LTBP1: variants seen among roughly 807,000 people sequenced by gnomAD.
LTBP1 encodes the protein latent transforming growth factor beta binding protein 1.
A neutral mutation model predicts 207.6 loss-of-function variants in LTBP1; 129 were observed. That is an observed-to-expected ratio of 0.62 (90% CI 0.54 to 0.72). LTBP1 has a LOEUF of 0.72. Among genes scored for constraint, LTBP1 ranks in the 30% least tolerant of loss-of-function variants. The pLI, the probability that LTBP1 is intolerant of heterozygous loss-of-function variation, is 0.00. For synonymous variants in LTBP1, 963 were observed against 833.7 expected, an observed-to-expected ratio of 1.16 and a Z score of -2.67; for missense variants, 2,281 against 2,217.2, an observed-to-expected ratio of 1.03 and a Z score of -0.58.
chr2:33,278,071 A>T (rs1171703282), intron 18 of LTBP1, among the ~76,000 whole-genome samples: 2 of 151,576 alleles, frequency 1.3e-5, no homozygotes, highest in East Asian at 1.9e-4. Flanking sequence ...TGACCTCGTG[A>T]TCTGCCAGCC....
At position 33,274,975 on chromosome 2, in the gene LTBP1, G is replaced by A. The variant is rs1350246041; in HGVS notation, c.2754G>A (p.Glu918=). The change falls in exon 17 of 34, where the codon GAG becomes GAA. Residue 918 remains glutamate (E), a synonymous_variant. Coordinates refer to ENST00000404816, the MANE Select transcript of LTBP1 (RefSeq NM_206943.4). ...TATTTTTGTTAACAGATATTGATGA[G>A]TGTACTCAGGTCCAACACCTCTGCT... ...EQQRKCVDID[E]CTQVQHLCSQ... is the part of the protein sequence containing the mutation. 1.9e-6 allele frequency: 3 copies of A among 1,613,960 alleles called. No individual in the cohort carries two copies. Among genetic ancestry groups the A allele is most frequent in the Non-Finnish European group, 2.5e-6 (3 of 1,179,894 alleles).
chr2:33,161,714 A>G (rs1175257530), intron 5 of LTBP1, among the ~76,000 whole-genome samples: 5 of 152,216 alleles, frequency 3.3e-5, no homozygotes, highest in Non-Finnish European at 5.9e-5. Flanking sequence ...CAAAAGATTA[A>G]TATATTTTAA....
intron 2 of LTBP1, among the ~76,000 whole-genome samples, chr2:33,019,312 A>G (rs912414331): frequency 6.7e-6 from 1 of 149,576 alleles, no homozygotes; most frequent in Non-Finnish European, 1.5e-5. Flanking sequence ...AACTTAAGTC[A>G]GTAGCATGTA....
rs375674780 is a variant in LTBP1, at chr2:32,971,815, G to A, written c.565+22870G>A. Among the ~76,000 whole-genome samples the A allele has an allele frequency of 3.4e-4, 51 of 152,176 alleles. 1 individual carries two copies. In the South Asian group the frequency reaches 7.7e-3, roughly 23 times the overall value. On this transcript the variant is annotated intron_variant, in intron 2 of 33. Transcript: ENST00000404816. ...TTGGGATCAGAATGATGCTGGCCTC[G>A]TAGAATGAGTTAGGGAGGAGTTCCT...
chr2:33,181,510 C>G (rs542642812), intron 5 of LTBP1, among the ~76,000 whole-genome samples: 6 of 152,248 alleles, frequency 3.9e-5, no homozygotes, highest in Non-Finnish European at 7.4e-5. Flanking sequence ...ACAGTTGTAC[C>G]GTGAGATACT....
chr2:33,029,306 G>A (rs543298810), intron 3 of LTBP1, among the ~76,000 whole-genome samples: 4 of 152,112 alleles, frequency 2.6e-5, no homozygotes, highest in South Asian at 2.1e-4. Context: ...GTGAAACCCC[G>A]TCTCTACTAA....
chr2:33,190,053 C>G (rs1259567480), intron 7 of LTBP1, among the ~76,000 whole-genome samples: 2 of 152,040 alleles, frequency 1.3e-5, no homozygotes, highest in Non-Finnish European at 2.9e-5. Flanking sequence ...AAATTCATAA[C>G]TTGCAAGGTG....
intron 3 of LTBP1, among the ~76,000 whole-genome samples, chr2:33,071,715 C>T (rs994988633): frequency 6.6e-6 from 1 of 152,154 alleles, no homozygotes; most frequent in East Asian, 1.9e-4. Context: ...TAGTTACAGG[C>T]TGTTTTGGGC....
intron 3 of LTBP1, among the ~76,000 whole-genome samples, chr2:33,101,892 C>G (rs218216): frequency 0.65 from 98,317 of 152,002 alleles, 33,493 homozygotes; most frequent in South Asian, 0.79. Flanking sequence ...TTGATGATTT[C>G]GGTGTACTGT....
At chr2:33,035,941 A>G (rs2149359237) in intron 3 of LTBP1, among the ~76,000 whole-genome samples, 1 of 152,304 alleles carries the variant, frequency 6.6e-6, no homozygotes, top group East Asian at 1.9e-4. Context: ...TAATTCCTTT[A>G]TCCTTTTTTC....
At chr2:33,049,428 AAATATCTCTTT>A (rs1405582249) in intron 3 of LTBP1, among the ~76,000 whole-genome samples, 7 of 152,180 alleles carry the variant, frequency 4.6e-5, no homozygotes, top group African/African-American at 9.7e-5. Flanking sequence ...TGTCTTTTTC[AAATATCTCTTT>A]TGAGCTAGGC....
chr2:33,023,889 A>G (rs1255860479), intron 3 of LTBP1, among the ~76,000 whole-genome samples: 1 of 152,244 alleles, frequency 6.6e-6, no homozygotes, highest in East Asian at 1.9e-4. Context: ...GAGAAATGTT[A>G]CAATCCTTAA....
rs544456150 is a variant in LTBP1, at chr2:33,138,046, G to GCTCAC, written c.1201+3090_1201+3094dup. Among the ~76,000 whole-genome samples, 352 of 152,252 alleles carry GCTCAC rather than the reference G, an allele frequency of 2.3e-3. 1 individual carries two copies. The highest frequency in any genetic ancestry group is 4.1e-3 in the Non-Finnish European group (276 of 68,018). ...TGGCTCTATGTGCTCTTTGGGCCCA[G>GCTCAC]CTCACCTCCTCCACACAGTGCAGGT... is the stretch of plus-strand genomic sequence containing the variant. On this transcript the variant is annotated intron_variant, in intron 5 of 33. Transcript: ENST00000404816.
intron 6 of LTBP1, among the ~76,000 whole-genome samples, chr2:33,188,281 C>T (rs940157590): frequency 1.1e-4 from 16 of 151,958 alleles, no homozygotes; most frequent in Middle Eastern, 6.8e-3. Flanking sequence ...ATTAGCCAGG[C>T]ATGGTGGTGG....
chr2:33,318,555 C>T (rs76474985), intron 24 of LTBP1, among the ~76,000 whole-genome samples: 3,021 of 152,184 alleles, frequency 0.02, 42 homozygotes, highest in Middle Eastern at 0.11. Flanking sequence ...CAGAGTGTAA[C>T]GTGTCATATA....
chr2:33,084,359 A>T (rs934512504), intron 3 of LTBP1, among the ~76,000 whole-genome samples: 1 of 152,130 alleles, frequency 6.6e-6, no homozygotes, highest in Non-Finnish European at 1.5e-5. Flanking sequence ...TGTGAAAGGG[A>T]CCATGAAGCA....
Position 32,947,340 on chromosome 2 carries a change from C to T in LTBP1, c.16C>T (p.Leu6Phe). MAGAW[L>F]RWGLLLWAGL... ...GGGGCCCGCGATGGCGGGGGCCTGG[C>T]TCAGGTGGGGGCTCCTGCTCTGGGC... Residue 6 changes from leucine to phenylalanine, a missense_variant, in exon 1 of 34, where the codon CTC (leucine) becomes TTC (phenylalanine). Leu to Phe is a conservative substitution (Grantham distance 22). Around this residue, in one of 3 missense-constraint regions of LTBP1, gnomAD observed 555 missense variants for 491.0 expected, o/e 1.13. Coordinates refer to ENST00000404816, the MANE Select transcript of LTBP1 (RefSeq NM_206943.4). The T allele has an allele frequency of 2.4e-6, 3 of 1,245,792 alleles. No individual in the cohort carries two copies. The highest frequency in any genetic ancestry group is 2.0e-6 in the Non-Finnish European group (2 of 995,466). The allele number at this position is 1,245,792 out of a possible 1,614,324, so 77.2% of individuals were successfully genotyped here. A position where few individuals can be genotyped will look rare whatever the true frequency, so the allele number is the denominator to read the frequency against.
chr2:33,238,727 C>A (rs771861750), intron 9 of LTBP1, among the ~76,000 whole-genome samples: 1 of 152,094 alleles, frequency 6.6e-6, no homozygotes, highest in Non-Finnish European at 1.5e-5. Flanking sequence ...TGGCCTTGGA[C>A]GAAATTATCT....
intron 12 of LTBP1, 35 bp downstream of exon 12, chr2:33,257,546 C>T (rs753920319): frequency 2.0e-6 from 3 of 1,532,768 alleles, no homozygotes; most frequent in Non-Finnish European, 9.0e-7. Context: ...CTCTAGACAT[C>T]TATCTGTGTG....
Sources: gnomAD v4.1 joint callset for allele counts (sites outside exome capture counted in the v4.1 genomes callset) on GRCh38, gnomAD v4.1.1 for gene constraint, gnomAD v4.1.1 regional missense constraint, MANE v1.5 for transcripts, NCBI Gene and HGNC (gene_info 2026-07-23, HGNC 2026-07-21) for gene names.